DNAAF4: variants seen among roughly 807,000 people sequenced by gnomAD.
The protein encoded by DNAAF4 is dynein axonemal assembly factor 4.
DNAAF4 carries 43 observed loss-of-function variants against 51.8 expected under a neutral mutation model. That is an observed-to-expected ratio of 0.83 (90% CI 0.65 to 1.07). DNAAF4 has a LOEUF of 1.07. Among genes scored for constraint, DNAAF4 ranks in the 50% least tolerant of loss-of-function variants. The probability of loss-of-function intolerance (pLI) is 0.00; values close to 1 mark genes in which losing one functional copy is unlikely to be tolerated. For missense variants in DNAAF4, 581 were observed against 493.0 expected (o/e 1.18, Z -1.69); for synonymous variants, 194 against 165.6 (o/e 1.17, Z -1.32).
intron 1 of DNAAF4, among the ~76,000 whole-genome samples, chr15:55,502,182 G>A (rs575885105): frequency 2.6e-5 from 4 of 152,262 alleles, no homozygotes; most frequent in African/African-American, 9.6e-5. Context: ...CTGAGCAAGA[G>A]AGAACACACA....
chr15:55,428,521 G>A (rs796353110), downstream of DNAAF4, among the ~76,000 whole-genome samples: 87 of 97,976 alleles, frequency 8.9e-4, no homozygotes, highest in African/African-American at 3.4e-3. Context: ...TTGAGATGGA[G>A]TCTTGCTCTT....
rs1820145035 is a variant in DNAAF4, at chr15:55,498,593, G to GGAAA, written c.-255-10_-255-9insTTTC. ...AAGTAGACCCATACCCTCTGCTTGA[G>GGAAA]AAAAAAAAAAAAAAAAAAAAGCACT... On this transcript the variant is annotated splice_polypyrimidine_tract_variant and intron_variant, in intron 1 of 9. Coordinates refer to ENST00000321149, the MANE Select transcript of DNAAF4 (RefSeq NM_130810.4). 1.3e-5 allele frequency: 1 copy of GGAAA among 74,652 alleles called. No individual in the cohort carries two copies. Among genetic ancestry groups the GGAAA allele is most frequent in the Non-Finnish European group, 2.4e-5 (1 of 42,430 alleles). 4.6% of individuals were successfully genotyped at this position (74,652 alleles called of 1,614,324 possible).
rs183945651 is a variant in DNAAF4, at chr15:55,464,746, T to G, written c.637+2184A>C. Reference sequence around the variant, plus strand: ...ACTTTTCGAGGCTGAGGCAGGCGGATCACCTGAGGTCAAGAGTTCGAGACC... The same window carrying G: ...ACTTTTCGAGGCTGAGGCAGGCGGAGCACCTGAGGTCAAGAGTTCGAGACC... On this transcript the variant is annotated intron_variant, in intron 5 of 9. Transcript: ENST00000321149. 2.1e-3 allele frequency among the ~76,000 whole-genome samples: 324 copies of G among 152,208 alleles called. 1 individual carries two copies. The highest frequency in any genetic ancestry group is 7.5e-3 in the African/African-American group (310 of 41,530).
rs1222208097 is a variant in DNAAF4, at chr15:55,446,191, C to A, written c.783+4031G>T. Among the ~76,000 whole-genome samples the A allele has an allele frequency of 5.9e-5, 8 of 135,742 alleles. No individual in the cohort carries two copies. The Admixed American group carries it at 6.2e-4, about 11-fold the overall frequency. 89.1% of individuals were successfully genotyped at this position (135,742 alleles called of 152,430 possible). On this transcript the variant is annotated intron_variant, in intron 6 of 9. Transcript: ENST00000321149. ...CTCCTCACCTCCCAGACGGGGTGGCCGGGCAGAGGCGCTCCCCACTTCCCA... is the reference window on the plus strand; with the variant it reads ...CTCCTCACCTCCCAGACGGGGTGGCAGGGCAGAGGCGCTCCCCACTTCCCA...
chr15:55,487,991 C>T (rs1341656583), intron 4 of DNAAF4, among the ~76,000 whole-genome samples: 1 of 152,120 alleles, frequency 6.6e-6, no homozygotes, highest in African/African-American at 2.4e-5. Context: ...AGCACTTCTG[C>T]AATGAGGTTT....
At chr15:55,456,508 T>C (rs1324694672) in intron 5 of DNAAF4, among the ~76,000 whole-genome samples, 1 of 152,150 alleles carries the variant, frequency 6.6e-6, no homozygotes, top group African/African-American at 2.4e-5. Context: ...AGGATTAACA[T>C]GCAGCTGCCA....
chr15:55,428,744 C>A (rs545301797), downstream of DNAAF4, among the ~76,000 whole-genome samples: 1 of 151,334 alleles, frequency 6.6e-6, no homozygotes, highest in African/African-American at 2.4e-5. Context: ...ATCTGCCTGC[C>A]TCAGCCTCCC....
rs1555413829 is a variant in DNAAF4, at chr15:55,433,912, A to ATAT, written c.1047+992_1047+993insATA. 6.1e-4 allele frequency among the ~76,000 whole-genome samples: 5 copies of ATAT among 8,204 alleles called. 1 individual carries two copies. The South Asian group carries it at 0.032, about 53-fold the overall frequency. The allele number at this position is 8,204 out of a possible 152,430, so 5.4% of individuals were successfully genotyped here. On this transcript the variant is annotated intron_variant, in intron 8 of 9. Transcript: ENST00000321149. ...TATATATATTATATATATTATATAT[A>ATAT]ATTATATATATTATATTATATAAAA...
At chr15:55,453,881 G>A (rs1198185978) in intron 5 of DNAAF4, among the ~76,000 whole-genome samples, 1 of 151,742 alleles carries the variant, frequency 6.6e-6, no homozygotes, top group Non-Finnish European at 1.5e-5. Flanking sequence ...GAAAAATATT[G>A]TCACTGAAAT....
intron 4 of DNAAF4, among the ~76,000 whole-genome samples, chr15:55,476,179 G>A (rs60515188): frequency 0.023 from 3,493 of 152,258 alleles, 125 homozygotes; most frequent in African/African-American, 0.076. Flanking sequence ...TTAAAAAAGG[G>A]CAGGGCATGG....
chr15:55,475,661 T>G (rs2058325920), intron 4 of DNAAF4, among the ~76,000 whole-genome samples: 1 of 152,220 alleles, frequency 6.6e-6, no homozygotes, highest in Non-Finnish European at 1.5e-5. Context: ...GCTCAAAAGT[T>G]ACAGATTTTG....
intron 5 of DNAAF4, among the ~76,000 whole-genome samples, chr15:55,460,197 T>TTTTA (rs1474679159): frequency 1.3e-5 from 2 of 150,534 alleles, no homozygotes; most frequent in Non-Finnish European, 1.5e-5. Flanking sequence ...ATTTTTTTTT[T>TTTTA]TGAGACAGAG....
chr15:55,498,099 T>G, intron 2 of DNAAF4, 108 bp downstream of exon 2: 1 of 1,564,554 alleles, frequency 6.4e-7, no homozygotes, highest in African/African-American at 1.4e-5. Context: ...ATTAAAAATT[T>G]AGGACGTTTA....
intron 9 of DNAAF4, among the ~76,000 whole-genome samples, 181 bp from the exon 10 acceptor site, chr15:55,430,960 C>T (rs1016249740): frequency 3.9e-5 from 6 of 152,018 alleles, no homozygotes; most frequent in East Asian, 3.8e-4. Context: ...GTTGCCCAGG[C>T]GGGAGTGCAG....
At chr15:55,480,353 C>T (rs2058392320) in intron 4 of DNAAF4, among the ~76,000 whole-genome samples, 1 of 152,152 alleles carries the variant, frequency 6.6e-6, no homozygotes, top group Non-Finnish European at 1.5e-5. Flanking sequence ...CCAAGGCCCC[C>T]TCCAGCCTTT....
chr15:55,482,949 A>G (rs952567001), intron 4 of DNAAF4, among the ~76,000 whole-genome samples: 1 of 152,234 alleles, frequency 6.6e-6, no homozygotes, highest in Non-Finnish European at 1.5e-5. Flanking sequence ...ACTGATGGGC[A>G]TCACATCCAA....
At chr15:55,448,685 T>C (rs1044635427) in intron 6 of DNAAF4, among the ~76,000 whole-genome samples, 2 of 151,564 alleles carry the variant, frequency 1.3e-5, no homozygotes, top group East Asian at 2.0e-4. Context: ...CTGGCTAATA[T>C]GGTGAAACCC....
chr15:55,419,152 G>T (rs1468346510), intron 7 of DNAAF4, among the ~76,000 whole-genome samples: 3 of 152,118 alleles, frequency 2.0e-5, no homozygotes, highest in Admixed American at 6.6e-5. Flanking sequence ...TCCTGACCTG[G>T]TGATCCGCCT....
chr15:55,441,935 G>A (rs191213584), intron 6 of DNAAF4, among the ~76,000 whole-genome samples: 1 of 152,256 alleles, frequency 6.6e-6, no homozygotes, highest in African/African-American at 2.4e-5. Flanking sequence ...AACAAAGCTA[G>A]CTTTCTAACT....
Sources: allele counts gnomAD v4.1 joint callset (sites outside exome capture counted in the v4.1 genomes callset), GRCh38; gene constraint gnomAD v4.1.1; transcripts MANE v1.5; gene names NCBI Gene and HGNC (gene_info 2026-07-23, HGNC 2026-07-21).